MYO9A: variants seen among roughly 807,000 people sequenced by gnomAD.
MYO9A encodes myosin IXA.
MYO9A carries 103 observed loss-of-function variants against 293.3 expected under a neutral mutation model. The ratio of observed to expected loss-of-function variants is 0.35; its 90% CI spans 0.30 to 0.41. The LOEUF (loss-of-function observed/expected upper bound fraction) is 0.41. Among genes scored for constraint, MYO9A ranks in the 10% least tolerant of loss-of-function variants. MYO9A has a pLI of 1.00. For missense variants in MYO9A, 2,685 were observed against 3,033.0 expected (o/e 0.89, Z 2.69); for synonymous variants, 1,001 against 1,035.7 (o/e 0.97, Z 0.64).
chr15:72,030,552 G>GT (rs1719974168), intron 3 of MYO9A, among the ~76,000 whole-genome samples: 1 of 151,422 alleles, frequency 6.6e-6, no homozygotes, highest in African/African-American at 2.4e-5. Flanking sequence ...CTTGAACTTT[G>GT]TTTTTTTGGA....
chr15:71,939,274 C>T lies in MYO9A; in HGVS notation c.2303-347G>A, dbSNP rs528294375. On this transcript the variant is annotated intron_variant, in intron 15 of 41. Transcript: ENST00000356056. ...TTGTTACAAAGGTAAACTCATGTAA[C>T]GGGGGTTTGTTGTGCAGATTATTTC... 6.6e-5 allele frequency among the ~76,000 whole-genome samples: 10 copies of T among 152,144 alleles called. No individual in the cohort carries two copies. The East Asian group carries it at 7.7e-4, about 12-fold the overall frequency.
chr15:71,827,902 CATA>C lies in MYO9A; in HGVS notation c.7162_7164del (p.Tyr2388del), dbSNP rs1453794968. 6.2e-7 allele frequency: 1 copy of C among 1,613,442 alleles called. No individual in the cohort carries two copies. The highest frequency in any genetic ancestry group is 1.7e-5 in the Admixed American group (1 of 59,928). ...CACTTACCTGATTTCTCAGAGATAGCATATTCAGACTCCATATTCAAATTCTCT... is the reference window on the plus strand; with the variant it reads ...CACTTACCTGATTTCTCAGAGATAGCTTCAGACTCCATATTCAAATTCTCT... On this transcript the variant is annotated inframe_deletion, in exon 41 of 42. Coordinates refer to ENST00000356056, the MANE Select transcript of MYO9A (RefSeq NM_006901.4).
intron 1 of MYO9A, among the ~76,000 whole-genome samples, chr15:72,065,626 T>C (rs2078999487): frequency 6.6e-6 from 1 of 151,608 alleles, no homozygotes; most frequent in Non-Finnish European, 1.5e-5. Flanking sequence ...TAAATTTGAC[T>C]TTATTAAAAT....
intron 1 of MYO9A, among the ~76,000 whole-genome samples, chr15:72,101,481 C>T (rs1259555601): frequency 3.5e-5 from 4 of 114,386 alleles, no homozygotes; most frequent in Admixed American, 8.1e-5. Context: ...GTCAGCCCCC[C>T]GCCCGGCCAG....
chr15:72,032,645 A>T, intron 2 of MYO9A, 57 bp from the exon 3 acceptor site: 2 of 1,120,872 alleles, frequency 1.8e-6, no homozygotes, highest in Admixed American at 2.6e-5. Flanking sequence ...TTTTTTTTGG[A>T]GGGGGGATTA....
intron 18 of MYO9A, among the ~76,000 whole-genome samples, chr15:71,929,479 C>A (rs1010030353): frequency 1.1e-4 from 16 of 152,138 alleles, no homozygotes; most frequent in African/African-American, 3.9e-4. Flanking sequence ...ATACCTAATT[C>A]GTTGAGCTTT....
At chr15:72,092,940 C>G (rs2096403767) in intron 1 of MYO9A, among the ~76,000 whole-genome samples, 1 of 151,674 alleles carries the variant, frequency 6.6e-6, no homozygotes. Flanking sequence ...CACACACACA[C>G]ACAGAGATTT....
At chr15:71,927,323 G>C (rs542939464) in intron 18 of MYO9A, among the ~76,000 whole-genome samples, 1 of 152,252 alleles carries the variant, frequency 6.6e-6, no homozygotes, top group South Asian at 2.1e-4. Context: ...TCATTCTGTT[G>C]ATTAGTTCCT....
At chr15:72,016,662 G>A (rs1394816215) in intron 6 of MYO9A, among the ~76,000 whole-genome samples, 1 of 152,134 alleles carries the variant, frequency 6.6e-6, no homozygotes, top group East Asian at 1.9e-4. Context: ...TCCTCAGACT[G>A]CTTGCTTTTA....
intron 34 of MYO9A, among the ~76,000 whole-genome samples, chr15:71,858,952 A>G (rs1247264724): frequency 6.6e-6 from 1 of 152,092 alleles, no homozygotes; most frequent in Non-Finnish European, 1.5e-5. Flanking sequence ...CTAGTCTCCT[A>G]AAGTACAATT....
At chr15:71,849,938 A>AATTTATGAACCCATTCACT in intron 38 of MYO9A, 98 bp downstream of exon 38, 1 of 1,469,488 alleles carries the variant, frequency 6.8e-7, no homozygotes. Flanking sequence ...AAAACACCTG[A>AATTTATGAACCCATTCACT]ATTTATGAAC....
At chr15:71,849,939 A>ATTTATGAGCCCATTCACTAT in intron 38 of MYO9A, 97 bp downstream of exon 38, 1 of 1,378,818 alleles carries the variant, frequency 7.3e-7, no homozygotes, top group Admixed American at 1.9e-5. Flanking sequence ...AAACACCTGA[A>ATTTATGAGCCCATTCACTAT]TTTATGAACC....
chr15:71,959,824 C>A, intron 14 of MYO9A, 77 bp downstream of exon 14: 5 of 1,288,326 alleles, frequency 3.9e-6, no homozygotes, highest in Non-Finnish European at 4.2e-6. Flanking sequence ...GAATTCTACT[C>A]CTTTTTGTGG....
chr15:71,976,118 T>C (rs758474837), intron 12 of MYO9A, among the ~76,000 whole-genome samples: 2 of 152,178 alleles, frequency 1.3e-5, no homozygotes, highest in Non-Finnish European at 2.9e-5. Context: ...TTTTGGGGAC[T>C]GAGCCCTCGA....
chr15:71,985,006 G>GC (rs1394433014), intron 11 of MYO9A, among the ~76,000 whole-genome samples: 9 of 152,078 alleles, frequency 5.9e-5, no homozygotes, highest in Non-Finnish European at 1.3e-4. Context: ...TGCAACCTCC[G>GC]CCTCCTGGGT....
intron 1 of MYO9A, among the ~76,000 whole-genome samples, chr15:72,072,153 A>G (rs2079213498): frequency 6.7e-6 from 1 of 149,412 alleles, no homozygotes; most frequent in African/African-American, 2.5e-5. Flanking sequence ...TTTTTTGGAG[A>G]CGGAGTCTTG....
At chr15:71,852,050 G>C in intron 36 of MYO9A, 82 bp downstream of exon 36, 1 of 1,399,668 alleles carries the variant, frequency 7.1e-7, no homozygotes, top group South Asian at 1.6e-5. Context: ...ACCACTAGAG[G>C]ATGGCTTGAT....
intron 1 of MYO9A, among the ~76,000 whole-genome samples, chr15:72,092,841 T>C (rs1054233935): frequency 2.6e-5 from 4 of 151,834 alleles, no homozygotes; most frequent in Admixed American, 2.6e-4. Flanking sequence ...ACAAAACAGG[T>C]GGCACAAGCC....
rs527701288 is a variant in MYO9A at position 71,934,997 on chromosome 15, T to C, written c.2522+344A>G. 6.3e-4 allele frequency: 105 copies of C among 167,452 alleles called. 1 individual carries two copies. Among genetic ancestry groups the C allele is most frequent in the Non-Finnish European group, 1.2e-3 (93 of 77,966 alleles). The allele number at this position is 167,452 out of a possible 1,614,324, so 10.4% of individuals were successfully genotyped here. A position where few individuals can be genotyped will look rare whatever the true frequency, so the allele number is the denominator to read the frequency against. ...TGCTAGAATTAATGGATAATTATAG[T>C]AAAAATTGGGAATCCTAAAAGGAGC... On this transcript the variant is annotated intron_variant, in intron 17 of 41. Transcript: ENST00000356056.
Sources: allele counts gnomAD v4.1 joint callset (sites outside exome capture counted in the v4.1 genomes callset), GRCh38; gene constraint gnomAD v4.1.1; transcripts MANE v1.5; gene names NCBI Gene and HGNC (gene_info 2026-07-23, HGNC 2026-07-21).